Variants in BRINP3 observed in about 807,000 individuals in gnomAD.
BRINP3 encodes the protein BMP/retinoic acid inducible neural specific 3.
Under a neutral mutation model 71.0 loss-of-function variants are expected in BRINP3, and 19 were observed. That is an observed-to-expected ratio of 0.27 (90% confidence interval 0.19 to 0.39). BRINP3 has a LOEUF of 0.39. Ranked by LOEUF, BRINP3 falls within the 10% of genes least tolerant of loss-of-function variation. The pLI is 1.00. For synonymous variants in BRINP3, 380 were observed against 337.7 expected (o/e 1.13, Z -1.37); for missense variants, 959 against 940.8 (o/e 1.02, Z -0.25).
chr1:190,266,063 A>C (rs973185205), intron 3 of BRINP3, among the ~76,000 whole-genome samples: 2 of 152,236 alleles, frequency 1.3e-5, no homozygotes, highest in Non-Finnish European at 2.9e-5. Flanking sequence ...AATCCATGTC[A>C]TTGAAGTTAG....
intron 6 of BRINP3, among the ~76,000 whole-genome samples, chr1:190,163,748 A>G (rs1651228520): frequency 6.6e-6 from 1 of 152,098 alleles, no homozygotes; most frequent in Non-Finnish European, 1.5e-5. Context: ...TTCTCCATTA[A>G]AAATTGAGTA....
intron 6 of BRINP3, among the ~76,000 whole-genome samples, chr1:190,216,751 T>G (rs974132763): frequency 6.6e-6 from 1 of 151,932 alleles, no homozygotes; most frequent in East Asian, 1.9e-4. Context: ...CTTGACCTAA[T>G]GAAATATGCA....
At chr1:190,340,923 A>T (rs1202322619) in intron 2 of BRINP3, among the ~76,000 whole-genome samples, 1 of 151,636 alleles carries the variant, frequency 6.6e-6, no homozygotes, top group Admixed American at 6.6e-5. Flanking sequence ...TTTTTCCAAG[A>T]AATACTTTTT....
At chr1:190,223,691 G>T (rs184538128) in intron 6 of BRINP3, among the ~76,000 whole-genome samples, 121 of 151,810 alleles carry the variant, frequency 8.0e-4, no homozygotes, top group Non-Finnish European at 8.9e-5. Flanking sequence ...GTAGGGAAAA[G>T]AACTAAATAA....
chr1:190,332,712 G>C (rs904722141), intron 2 of BRINP3, among the ~76,000 whole-genome samples: 1 of 151,976 alleles, frequency 6.6e-6, no homozygotes, highest in Non-Finnish European at 1.5e-5. Flanking sequence ...CCAAGGCAAG[G>C]CATGTTTGCA....
chr1:190,268,612 C>G (rs182100457), intron 3 of BRINP3, among the ~76,000 whole-genome samples: 5 of 152,122 alleles, frequency 3.3e-5, no homozygotes, highest in Admixed American at 1.3e-4. Flanking sequence ...AACACTTAAA[C>G]TATGTTTATT....
At chr1:190,182,851 TAATC>T (rs1055272233) in intron 6 of BRINP3, among the ~76,000 whole-genome samples, 4 of 152,164 alleles carry the variant, frequency 2.6e-5, no homozygotes, top group African/African-American at 9.6e-5. Flanking sequence ...GACAGTAAAA[TAATC>T]AATTACGCCT....
intron 2 of BRINP3, among the ~76,000 whole-genome samples, chr1:190,432,877 G>T (rs778362125): frequency 1.9e-4 from 29 of 152,108 alleles, no homozygotes; most frequent in Non-Finnish European, 3.4e-4. Context: ...TGTAGCAAAA[G>T]ATTAGTTGTC....
At chr1:190,380,148 T>G (rs1400471845) in intron 2 of BRINP3, among the ~76,000 whole-genome samples, 1 of 152,136 alleles carries the variant, frequency 6.6e-6, no homozygotes, top group African/African-American at 2.4e-5. Context: ...GTAACAATAG[T>G]CCAGGTCAAA....
intron 4 of BRINP3, among the ~76,000 whole-genome samples, chr1:190,239,341 A>G (rs564919932): frequency 3.3e-5 from 5 of 152,112 alleles, no homozygotes; most frequent in African/African-American, 9.7e-5. Context: ...ACATGAACAA[A>G]TCTCACAAAT....
chr1:190,281,783 C>A (rs1214233093), intron 2 of BRINP3, 33 bp from the exon 3 acceptor site: 2 of 1,578,652 alleles, frequency 1.3e-6, no homozygotes, highest in Admixed American at 1.8e-5. Context: ...TTCATAAATG[C>A]ATAATCTATC....
chr1:190,403,206 A>G (rs1352396360), intron 2 of BRINP3, among the ~76,000 whole-genome samples: 3 of 152,256 alleles, frequency 2.0e-5, no homozygotes, highest in East Asian at 3.8e-4. Flanking sequence ...CTTATTTAAT[A>G]TTGTATTTGC....
chr1:190,288,160 C>T (rs1571639766), intron 2 of BRINP3, among the ~76,000 whole-genome samples: 1 of 151,898 alleles, frequency 6.6e-6, no homozygotes, highest in South Asian at 2.1e-4. Flanking sequence ...TAATTTCTAT[C>T]ACAAATATTA....
chr1:190,341,897 C>T (rs1236933303), intron 2 of BRINP3, among the ~76,000 whole-genome samples: 2 of 151,708 alleles, frequency 1.3e-5, no homozygotes, highest in African/African-American at 4.8e-5. Context: ...AAACATTATA[C>T]AATTATGTTA....
intron 2 of BRINP3, among the ~76,000 whole-genome samples, chr1:190,412,612 G>T (rs1347068506): frequency 6.7e-6 from 1 of 149,620 alleles, no homozygotes; most frequent in African/African-American, 2.4e-5. Context: ...ACAGGTGCCC[G>T]CCACTACGCC....
At chr1:190,119,611 A>G (rs1440768245) in intron 7 of BRINP3, among the ~76,000 whole-genome samples, 1 of 151,924 alleles carries the variant, frequency 6.6e-6, no homozygotes, top group Non-Finnish European at 1.5e-5. Context: ...TTAATCACCT[A>G]TTGTCAATAA....
chr1:190,390,644 A>G (rs1332379621), intron 2 of BRINP3, among the ~76,000 whole-genome samples: 1 of 151,788 alleles, frequency 6.6e-6, no homozygotes, highest in Admixed American at 6.6e-5. Context: ...GGAGGAAGAG[A>G]AAAAGGGCTC....
At chr1:190,416,626 A>G (rs778870149) in intron 2 of BRINP3, among the ~76,000 whole-genome samples, 1 of 152,214 alleles carries the variant, frequency 6.6e-6, no homozygotes, top group Non-Finnish European at 1.5e-5. Flanking sequence ...TGTCTCTAAC[A>G]TAAATGAGAT....
chr1:190,234,586 T>C (rs1474950660), intron 4 of BRINP3, 109 bp from the exon 5 acceptor site: 1 of 756,564 alleles, frequency 1.3e-6, no homozygotes, highest in African/African-American at 1.7e-5. Context: ...TAAATATCAC[T>C]GAAAGGTCCA....
Sources: allele counts gnomAD v4.1 joint callset (sites outside exome capture counted in the v4.1 genomes callset), GRCh38; gene constraint gnomAD v4.1.1; transcripts MANE v1.5; gene names NCBI Gene and HGNC (gene_info 2026-07-23, HGNC 2026-07-21).